The following DRC11 variants were observed in gnomAD, a reference collection of about 807,000 sequenced individuals.
DRC11 encodes IQ and AAA domain-containing protein 1.
the DRC11 span, among the ~76,000 whole-genome samples, chr2:236,464,963 CT>C: frequency 6.6e-6 from 1 of 152,198 alleles, no homozygotes; most frequent in African/African-American, 2.4e-5. Context: ...ATCATGCTTC[CT>C]GTAAAGCTTG....
the DRC11 span, among the ~76,000 whole-genome samples, chr2:236,380,994 G>T: frequency 6.6e-6 from 1 of 152,166 alleles, no homozygotes; most frequent in African/African-American, 2.4e-5. The surrounding 1 kb of genome is among the most constrained non-coding windows in gnomAD (Gnocchi z 4.9). Context: ...CACCTTTGGT[G>T]CCTGATATAA....
At chr2:236,453,857 G>A in the DRC11 span, among the ~76,000 whole-genome samples, 1 of 152,108 alleles carries the variant, frequency 6.6e-6, no homozygotes. The surrounding 1 kb of genome is among the most constrained non-coding windows in gnomAD (Gnocchi z 4.9). Context: ...GGCCAGGCTG[G>A]TCTCGAACTC....
chr2:236,363,001 T>C, the DRC11 span, among the ~76,000 whole-genome samples: 1 of 152,200 alleles, frequency 6.6e-6, no homozygotes, highest in Non-Finnish European at 1.5e-5. The surrounding 1 kb of genome is among the most constrained non-coding windows in gnomAD (Gnocchi z 5.6). Context: ...GCATCTCTCA[T>C]GCTTTACAGC....
chr2:236,487,950 T>C, the DRC11 span: 1 of 1,280,518 alleles, frequency 7.8e-7, no homozygotes. Context: ...GATGTATCTT[T>C]AGTGTATAAG....
chr2:236,503,592 T>C, the DRC11 span: 1 of 1,529,242 alleles, frequency 6.5e-7, no homozygotes, highest in Non-Finnish European at 8.9e-7. The surrounding 1 kb of genome is among the most constrained non-coding windows in gnomAD (Gnocchi z 4.9). Flanking sequence ...GACAGGAAAA[T>C]GAGCAGCTTT....
chr2:236,429,089 C>T, the DRC11 span, among the ~76,000 whole-genome samples: 5 of 152,198 alleles, frequency 3.3e-5, no homozygotes, highest in Non-Finnish European at 5.9e-5. This position sits in a 1 kb window ranked among gnomAD's most constrained non-coding sequence, Gnocchi z 5.9. Context: ...AGACCTTCAC[C>T]TGTGGGCAGC....
the DRC11 span, among the ~76,000 whole-genome samples, chr2:236,424,988 A>T: frequency 6.6e-6 from 1 of 152,036 alleles, no homozygotes; most frequent in Admixed American, 6.6e-5. Flanking sequence ...CAAATGACAG[A>T]AATTTCCTTC....
At chr2:236,503,729 C>A in the DRC11 span, 1 of 1,542,386 alleles carries the variant, frequency 6.5e-7, no homozygotes, top group Non-Finnish European at 8.8e-7. This position sits in a 1 kb window ranked among gnomAD's most constrained non-coding sequence, Gnocchi z 4.9. Flanking sequence ...TGTCCTGATG[C>A]CTCTCCACGT....
At chr2:236,432,302 T>C in the DRC11 span, among the ~76,000 whole-genome samples, 1 of 152,200 alleles carries the variant, frequency 6.6e-6, no homozygotes, top group East Asian at 1.9e-4. Context: ...GTAAGAGTAC[T>C]CTGTATTTTC....
chr2:236,486,324 T>A, the DRC11 span, among the ~76,000 whole-genome samples: 1 of 152,204 alleles, frequency 6.6e-6, no homozygotes, highest in Non-Finnish European at 1.5e-5. This position sits in a 1 kb window ranked among gnomAD's most constrained non-coding sequence, Gnocchi z 5.7. Flanking sequence ...GAGGACCTAG[T>A]TAAGGTGTAC....
the DRC11 span, among the ~76,000 whole-genome samples, chr2:236,361,429 T>C: frequency 6.6e-6 from 1 of 152,164 alleles, no homozygotes; most frequent in Non-Finnish European, 1.5e-5. This position sits in a 1 kb window ranked among gnomAD's most constrained non-coding sequence, Gnocchi z 5.7. Context: ...ATATTTCTTC[T>C]CTCAATTTTT....
chr2:236,472,733 G>A, the DRC11 span, among the ~76,000 whole-genome samples: 1 of 152,260 alleles, frequency 6.6e-6, no homozygotes, highest in South Asian at 2.1e-4. The surrounding 1 kb of genome is among the most constrained non-coding windows in gnomAD (Gnocchi z 4.6). Flanking sequence ...CTGTGAAATA[G>A]GTAGCACTCT....
At chr2:236,390,677 T>C in the DRC11 span, among the ~76,000 whole-genome samples, 354 of 152,062 alleles carry the variant, frequency 2.3e-3, 1 homozygote, top group Middle Eastern at 3.4e-3. This position sits in a 1 kb window ranked among gnomAD's most constrained non-coding sequence, Gnocchi z 5.9. Flanking sequence ...AGCACAATGG[T>C]TGCAGTAAAT....
chr2:236,452,373 G>C, the DRC11 span, among the ~76,000 whole-genome samples: 1 of 152,158 alleles, frequency 6.6e-6, no homozygotes, highest in African/African-American at 2.4e-5. The surrounding 1 kb of genome is among the most constrained non-coding windows in gnomAD (Gnocchi z 4.7). Context: ...ATTTATCTGT[G>C]TTTCATCAAG....
the DRC11 span, among the ~76,000 whole-genome samples, chr2:236,496,358 C>A: frequency 8.5e-5 from 13 of 152,128 alleles, no homozygotes; most frequent in African/African-American, 3.1e-4. The surrounding 1 kb of genome is among the most constrained non-coding windows in gnomAD (Gnocchi z 6.3). Context: ...AAACGTGAAA[C>A]CCTCATGTAG....
the DRC11 span, chr2:236,377,120 T>A: frequency 4.4e-6 from 7 of 1,608,488 alleles, no homozygotes; most frequent in African/African-American, 4.0e-5. This position sits in a 1 kb window ranked among gnomAD's most constrained non-coding sequence, Gnocchi z 4.9. Context: ...ATCAGAGAGG[T>A]TGACTTTCAG....
the DRC11 span, among the ~76,000 whole-genome samples, chr2:236,356,011 C>A: frequency 1.3e-5 from 2 of 152,248 alleles, no homozygotes; most frequent in East Asian, 3.9e-4. Flanking sequence ...GGTACTGGGG[C>A]ACAAGAGCAT....
chr2:236,358,103 T>G, the DRC11 span, among the ~76,000 whole-genome samples: 2 of 117,240 alleles, frequency 1.7e-5, no homozygotes, highest in African/African-American at 6.7e-5. Flanking sequence ...ACCATATGAA[T>G]ATATATTATA....
At chr2:236,393,990 T>A in the DRC11 span, among the ~76,000 whole-genome samples, 1 of 152,086 alleles carries the variant, frequency 6.6e-6, no homozygotes, top group South Asian at 2.1e-4. The surrounding 1 kb of genome is among the most constrained non-coding windows in gnomAD (Gnocchi z 4.7). Context: ...ATAAAATATA[T>A]AAAGTTGTAT....
Sources: allele counts gnomAD v4.1 joint callset (sites outside exome capture counted in the v4.1 genomes callset), GRCh38; gene constraint gnomAD v4.1.1; non-coding constraint Gnocchi (gnomAD v3.1); transcripts MANE v1.5; gene names NCBI Gene and HGNC (gene_info 2026-07-23, HGNC 2026-07-21).